The following LRGUK variants were observed in gnomAD, a reference collection of about 807,000 sequenced individuals.
The protein encoded by LRGUK is leucine-rich repeat and guanylate kinase domain-containing protein.
LRGUK carries 65 observed loss-of-function variants against 76.0 expected under a neutral mutation model. The ratio of observed to expected loss-of-function variants is 0.85; its 90% CI spans 0.70 to 1.05. The LOEUF (loss-of-function observed/expected upper bound fraction) is 1.05. Among genes scored for constraint, LRGUK ranks in the 50% least tolerant of loss-of-function variants. LRGUK has a pLI of 0.00. For missense variants in LRGUK, 758 were observed against 732.8 expected (o/e 1.03, Z -0.40); for synonymous variants, 268 against 265.6 (o/e 1.01, Z -0.09).
intron 17 of LRGUK, 129 bp from the exon 18 acceptor site, chr7:134,248,822 A>G: frequency 1.6e-6 from 1 of 626,372 alleles, no homozygotes; most frequent in Non-Finnish European, 2.3e-6. Context: ...GAGTGGATAT[A>G]TTACATTATT....
At chr7:134,146,911 C>T (rs1469208061) in intron 4 of LRGUK, among the ~76,000 whole-genome samples, 1 of 152,002 alleles carries the variant, frequency 6.6e-6, no homozygotes, top group Non-Finnish European at 1.5e-5. Context: ...ATTATGAATG[C>T]AGTGGTTCCA....
At chr7:134,142,791 A>G (rs1797820567) in intron 3 of LRGUK, among the ~76,000 whole-genome samples, 1 of 152,170 alleles carries the variant, frequency 6.6e-6, no homozygotes, top group Non-Finnish European at 1.5e-5. Context: ...GGCCGCAGGG[A>G]TTGGTTACTT....
intron 16 of LRGUK, among the ~76,000 whole-genome samples, chr7:134,246,844 T>A (rs939434688): frequency 2.6e-5 from 4 of 152,232 alleles, no homozygotes; most frequent in Non-Finnish European, 5.9e-5. Flanking sequence ...TTAAGAACTT[T>A]ATGTATTAGG....
chr7:134,192,430 C>A (rs1800295633), intron 12 of LRGUK, among the ~76,000 whole-genome samples: 1 of 152,212 alleles, frequency 6.6e-6, no homozygotes, highest in Non-Finnish European at 1.5e-5. Context: ...GTCTATTTCA[C>A]AGGCACTCAG....
At chr7:134,182,100 A>G (rs1799780008) in intron 10 of LRGUK, among the ~76,000 whole-genome samples, 1 of 152,192 alleles carries the variant, frequency 6.6e-6, no homozygotes, top group African/African-American at 2.4e-5. Flanking sequence ...AGAATCATAC[A>G]GTATATAGCC....
At chr7:134,128,994 G>A (rs751797953) in intron 1 of LRGUK, among the ~76,000 whole-genome samples, 1 of 151,348 alleles carries the variant, frequency 6.6e-6, no homozygotes, top group South Asian at 2.1e-4. Context: ...AGTATAAATT[G>A]CGTGAAATTC....
At chr7:134,209,110 C>T in exon 16 of LRGUK, 1 of 399,154 alleles carries the variant, frequency 2.5e-6, no homozygotes, top group Non-Finnish European at 4.4e-6. Context: ...GGCAGTCTCC[C>T]ATCACCCCGA....
chr7:134,186,731 C>T (rs1799994968), intron 11 of LRGUK, among the ~76,000 whole-genome samples: 2 of 152,292 alleles, frequency 1.3e-5, no homozygotes, highest in Admixed American at 1.3e-4. Flanking sequence ...TGGTGAGGTC[C>T]TTGCCTTAAT....
rs1276443673 is a variant in LRGUK at position 134,176,850 on chromosome 7, T to C, written c.1021-127T>C. The C allele has an allele frequency of 3.5e-5, 21 of 605,734 alleles. No individual in the cohort carries two copies. The Admixed American group carries it at 5.9e-4, about 17-fold the overall frequency. The allele number at this position is 605,734 out of a possible 1,614,324, so 37.5% of individuals were successfully genotyped here. A position where few individuals can be genotyped will look rare whatever the true frequency, so the allele number is the denominator to read the frequency against. On this transcript the variant is annotated intron_variant, in intron 8 of 15. Transcript: ENST00000645682. ...CTGGGAAGCGTGAAATGCATAGTCC[T>C]GTGAGGGTGTGTGTGGGAATGATGA...
chr7:134,145,581 G>A (rs1222404), intron 4 of LRGUK, among the ~76,000 whole-genome samples: 151,205 of 152,304 alleles, frequency 0.99, 75,072 homozygotes, highest in East Asian at 1. Context: ...AATCCTCCCA[G>A]TAAAGCTGTG....
chr7:134,144,841 T>C (rs1326545849), intron 4 of LRGUK, among the ~76,000 whole-genome samples: 1 of 152,200 alleles, frequency 6.6e-6, no homozygotes, highest in East Asian at 1.9e-4. Flanking sequence ...ACTAGGTGCC[T>C]ATCTGTACTC....
At chr7:134,133,896 T>TA (rs1051514736) in intron 1 of LRGUK, among the ~76,000 whole-genome samples, 2 of 151,632 alleles carry the variant, frequency 1.3e-5, no homozygotes, top group South Asian at 2.1e-4. Flanking sequence ...CCTGCCTCTA[T>TA]AAAAAAATTA....
At chr7:134,192,272 T>C (rs1284721983) in intron 12 of LRGUK, among the ~76,000 whole-genome samples, 1 of 152,216 alleles carries the variant, frequency 6.6e-6, no homozygotes, top group Non-Finnish European at 1.5e-5. Flanking sequence ...CATGTTACCA[T>C]GGTCATGTTC....
intron 6 of LRGUK, among the ~76,000 whole-genome samples, chr7:134,160,146 T>C (rs1183394079): frequency 6.6e-6 from 1 of 152,182 alleles, no homozygotes; most frequent in Non-Finnish European, 1.5e-5. Context: ...AAGTGGAGCA[T>C]GGTAAACAGA....
chr7:134,178,489 T>C lies in LRGUK; in HGVS notation c.1108-14T>C, dbSNP rs747324433. The C allele has an allele frequency of 1.8e-5, 28 of 1,592,152 alleles. No individual in the cohort carries two copies. In the East Asian group the frequency reaches 5.4e-4, roughly 31 times the overall value. The stretch of plus-strand genomic sequence containing the variant: ...AAACTTTTTTTCCCTTTTACATCTC[T>C]AATTCTGGAAAAGGTTTCAGCAGTG... On this transcript the variant is annotated splice_polypyrimidine_tract_variant and intron_variant, in intron 9 of 15. Coordinates refer to ENST00000645682, the Ensembl canonical transcript of LRGUK.
At chr7:134,187,730 G>A (rs1194440746) in intron 11 of LRGUK, among the ~76,000 whole-genome samples, 1 of 152,100 alleles carries the variant, frequency 6.6e-6, no homozygotes, top group Non-Finnish European at 1.5e-5. Flanking sequence ...GTGACTTCCT[G>A]GAAAAGTGCC....
chr7:134,218,799 A>G (rs962161012), intron 15 of LRGUK, among the ~76,000 whole-genome samples: 3 of 152,114 alleles, frequency 2.0e-5, no homozygotes. Context: ...TATTGTTTTA[A>G]TTTGTTTGAT....
At chr7:134,267,681 G>A (rs1262652855), downstream of LRGUK, among the ~76,000 whole-genome samples, 2 of 152,098 alleles carry the variant, frequency 1.3e-5, no homozygotes, top group African/African-American at 4.8e-5. Flanking sequence ...ATGATTGTGA[G>A]GCCTCCCCAG....
At chr7:134,243,233 G>A (rs1802209259) in intron 16 of LRGUK, among the ~76,000 whole-genome samples, 1 of 152,054 alleles carries the variant, frequency 6.6e-6, no homozygotes, top group Admixed American at 6.5e-5. Flanking sequence ...GAAATAAAAG[G>A]TATTCAATTA....
Sources: allele counts gnomAD v4.1 joint callset (sites outside exome capture counted in the v4.1 genomes callset), GRCh38; gene constraint gnomAD v4.1.1; transcripts MANE v1.5; gene names NCBI Gene and HGNC (gene_info 2026-07-23, HGNC 2026-07-21).